Variants in ABCB1 observed in about 807,000 individuals in gnomAD.
The protein encoded by ABCB1 is ATP-dependent translocase ABCB1.
ABCB1 carries 69 observed loss-of-function variants against 142.0 expected under a neutral mutation model. The ratio of observed to expected loss-of-function variants is 0.49; its 90% CI spans 0.40 to 0.59. The LOEUF (loss-of-function observed/expected upper bound fraction) is 0.59. Among genes scored for constraint, ABCB1 ranks in the 20% least tolerant of loss-of-function variants. ABCB1 has a pLI of 0.00. For missense variants in ABCB1, 1,326 were observed against 1,554.7 expected (o/e 0.85, Z 2.47); for synonymous variants, 532 against 539.2 (o/e 0.99, Z 0.18).
chr7:87,596,102 A>G (rs1447903880), intron 2 of ABCB1, among the ~76,000 whole-genome samples: 3 of 152,062 alleles, frequency 2.0e-5, no homozygotes, highest in African/African-American at 7.2e-5. Flanking sequence ...TGATGAATAC[A>G]TACATACACC....
chr7:87,537,578 G>T (rs1169261563), intron 19 of ABCB1, among the ~76,000 whole-genome samples: 1 of 152,052 alleles, frequency 6.6e-6, no homozygotes, highest in East Asian at 1.9e-4. Context: ...AAGGAATAAG[G>T]CTGGTGGGGA....
At chr7:87,674,964 C>T (rs900614280) in intron 1 of ABCB1, among the ~76,000 whole-genome samples, 1 of 152,192 alleles carries the variant, frequency 6.6e-6, no homozygotes, top group Non-Finnish European at 1.5e-5. Flanking sequence ...GTGCCAAGCC[C>T]TCTTGGTTTT....
chr7:87,504,751 G>A (rs1289748140), intron 27 of ABCB1, among the ~76,000 whole-genome samples: 1 of 150,482 alleles, frequency 6.6e-6, no homozygotes, highest in Non-Finnish European at 1.5e-5. Context: ...CTTGCAGGGA[G>A]CCAAGATTGC....
chr7:87,505,603 T>C (rs1814696268), intron 27 of ABCB1, among the ~76,000 whole-genome samples: 1 of 152,210 alleles, frequency 6.6e-6, no homozygotes, highest in African/African-American at 2.4e-5. Context: ...TTCCTTATGG[T>C]TGCTGAAGAG....
chr7:87,680,521 G>A (rs770596553), intron 1 of ABCB1, among the ~76,000 whole-genome samples: 1 of 150,926 alleles, frequency 6.6e-6, no homozygotes, highest in East Asian at 2.0e-4. Flanking sequence ...GGCCGGGCCC[G>A]GTGGCTCACG....
At position 87,550,273 on chromosome 7, in the gene ABCB1, C is replaced by G. The variant is rs749429338; in HGVS notation, c.1248G>C (p.Lys416Asn). ...EVKILKGLNL[K>N]VQSGQTVALV... ...GGGCCACCGTCTGCCCACTCTGCAC[C>G]TTCAGGTTCAGACCCTTCAAGATCT... The change falls in exon 12 of 28, where the codon AAG becomes AAC. Residue 416 changes from lysine (K) to asparagine (N), a missense_variant. Lys to Asn is a moderately conservative substitution (Grantham distance 94). Transcript: ENST00000622132. 6.2e-7 allele frequency: 1 copy of G among 1,614,144 alleles called. No homozygotes were observed.
intron 4 of ABCB1, among the ~76,000 whole-genome samples, chr7:87,581,782 G>A (rs1273991103): frequency 3.9e-5 from 6 of 152,132 alleles, no homozygotes; most frequent in East Asian, 1.9e-4. Context: ...AAGAGCCTCC[G>A]CAAGTCCAAG....
At chr7:87,588,626 A>AGT (rs1475557969) in intron 3 of ABCB1, among the ~76,000 whole-genome samples, 1 of 152,216 alleles carries the variant, frequency 6.6e-6, no homozygotes, top group Non-Finnish European at 1.5e-5. Flanking sequence ...TATTGTGAAT[A>AGT]GTGCTGCAAT....
chr7:87,618,098 C>T (rs938456062), intron 1 of ABCB1, among the ~76,000 whole-genome samples: 1 of 152,140 alleles, frequency 6.6e-6, no homozygotes, highest in African/African-American at 2.4e-5. Context: ...TCCCTGGCAC[C>T]CTTGCAGGGC....
At position 87,643,367 on chromosome 7, in the gene ABCB1, T is replaced by G. The variant is rs1822644403; in HGVS notation, c.-330-42289A>C. ...ATAAAAGTTTATTTACAAAAACATTTAACTAGTTGTATTAGGCCTGTGGAC... is the reference window on the plus strand; with the variant it reads ...ATAAAAGTTTATTTACAAAAACATTGAACTAGTTGTATTAGGCCTGTGGAC... On this transcript the variant is annotated intron_variant, in intron 1 of 28. Coordinates refer to the ABCB1 transcript ENST00000265724. Among the ~76,000 whole-genome samples the G allele has an allele frequency of 3.3e-5, 5 of 152,304 alleles. No homozygotes were observed. In the South Asian group the frequency reaches 8.3e-4, roughly 25 times the overall value.
intron 21 of ABCB1, among the ~76,000 whole-genome samples, chr7:87,525,697 G>C (rs757229342): frequency 6.6e-6 from 1 of 152,000 alleles, no homozygotes; most frequent in Non-Finnish European, 1.5e-5. Flanking sequence ...TATTGAATAG[G>C]CTAAGGAAAA....
chr7:87,606,104 T>G (rs1200967835), intron 1 of ABCB1, among the ~76,000 whole-genome samples: 3 of 151,968 alleles, frequency 2.0e-5, no homozygotes, highest in African/African-American at 7.2e-5. Context: ...TCTTAATATA[T>G]AAAGAGCTTA....
chr7:87,617,326 C>A (rs1820063468), intron 1 of ABCB1, among the ~76,000 whole-genome samples: 3 of 152,058 alleles, frequency 2.0e-5, no homozygotes, highest in Non-Finnish European at 4.4e-5. Flanking sequence ...TAACAAAGTC[C>A]CAGAAAACCA....
chr7:87,509,041 A>C (rs1293598064), intron 26 of ABCB1, among the ~76,000 whole-genome samples: 1 of 152,198 alleles, frequency 6.6e-6, no homozygotes, highest in Non-Finnish European at 1.5e-5. Flanking sequence ...CCTCTCTCCT[A>C]AACCTGAAGT....
chr7:87,554,149 T>G (rs879752076), intron 8 of ABCB1, among the ~76,000 whole-genome samples: 5 of 152,016 alleles, frequency 3.3e-5, no homozygotes, highest in Non-Finnish European at 5.9e-5. Context: ...TGTGGGGGAG[T>G]CTTCTAAAAT....
At chr7:87,691,570 C>T (rs547161216) in intron 1 of ABCB1, among the ~76,000 whole-genome samples, 1 of 152,002 alleles carries the variant, frequency 6.6e-6, no homozygotes, top group Non-Finnish European at 1.5e-5. Context: ...AAATAAGAAC[C>T]CCTTCTACAA....
chr7:87,530,188 C>A (rs1815973355), intron 21 of ABCB1, among the ~76,000 whole-genome samples: 1 of 152,200 alleles, frequency 6.6e-6, no homozygotes, highest in Non-Finnish European at 1.5e-5. Context: ...TGAGTCCCTG[C>A]CCTAACTCCT....
At chr7:87,685,677 G>A (rs998867722) in intron 1 of ABCB1, among the ~76,000 whole-genome samples, 1 of 152,164 alleles carries the variant, frequency 6.6e-6, no homozygotes, top group African/African-American at 2.4e-5. Flanking sequence ...ATTAAAGGTT[G>A]CAGGGTGGGG....
chr7:87,642,246 G>A (rs913264835), intron 1 of ABCB1, among the ~76,000 whole-genome samples: 1 of 152,048 alleles, frequency 6.6e-6, no homozygotes, highest in South Asian at 2.1e-4. Flanking sequence ...GCTGATGTGT[G>A]TGTTTGCATA....
Sources: allele counts gnomAD v4.1 joint callset (sites outside exome capture counted in the v4.1 genomes callset), GRCh38; gene constraint gnomAD v4.1.1; transcripts MANE v1.5; gene names NCBI Gene and HGNC (gene_info 2026-07-23, HGNC 2026-07-21).